Variants in SSRP1 observed in about 807,000 individuals in gnomAD.
The protein encoded by SSRP1 is structure specific recognition protein 1, also known as FACT complex subunit SSRP1.
In SSRP1, 21 loss-of-function variants were observed where a neutral mutation model predicts 84.4. The ratio of observed to expected loss-of-function variants is 0.25; its 90% CI spans 0.18 to 0.36. The LOEUF (loss-of-function observed/expected upper bound fraction) is 0.36, where lower values mean the gene tolerates loss of function less well. Ranked by LOEUF, SSRP1 falls within the 10% of genes least tolerant of loss-of-function variation. SSRP1 has a pLI of 1.00. For synonymous variants in SSRP1, 319 were observed against 318.3 expected (o/e 1.00, Z -0.02); for missense variants, 519 against 900.8 (o/e 0.58, Z 5.43).
At chr11:57,331,132 C>A (rs916596689) in intron 9 of SSRP1, among the ~76,000 whole-genome samples, 1 of 152,140 alleles carries the variant, frequency 6.6e-6, no homozygotes, top group African/African-American at 2.4e-5. Context: ...AACTGCATGG[C>A]TTTGAAGAAC....
rs746601438 is a variant in SSRP1, at chr11:57,332,965, A to G, written c.531T>C (p.Pro177=). 1.9e-5 allele frequency: 30 copies of G among 1,609,690 alleles called. No homozygotes were observed. The highest frequency in any genetic ancestry group is 2.5e-5 in the Non-Finnish European group (30 of 1,177,062). Residue 177 remains proline, a synonymous_variant, in exon 5 of 17, where the codon CCT becomes CCC. Transcript: ENST00000278412. This position sits in a 1 kb window ranked among gnomAD's most constrained non-coding sequence, Gnocchi z 5.5. ...VPPTQEDGVD[P]VEAFAQNVLS... ...CAACCAGGGGAAGCCTCACCTCAAC[A>G]GGGTCCACACCATCCTCCTGGGTGG...
intron 12 of SSRP1, 23 bp from the exon 13 acceptor site, chr11:57,328,449 T>TA (rs762176288): frequency 2.3e-5 from 37 of 1,613,538 alleles, no homozygotes; most frequent in Non-Finnish European, 3.0e-5. Flanking sequence ...AAGCCAGGCT[T>TA]AGACTTGAGG....
Position 57,326,389 on chromosome 11 carries a change from G to T in SSRP1, c.*18C>A, listed in dbSNP as rs1362877389. ...GGGGGTGTGAGAAGGCAAGCGCAAAGAGAACCTTCCTCCGTTTCTACTCAT... is the reference window on the plus strand; with the variant it reads ...GGGGGTGTGAGAAGGCAAGCGCAAATAGAACCTTCCTCCGTTTCTACTCAT... On this transcript the variant is annotated 3_prime_UTR_variant, in exon 17 of 17. Transcript: ENST00000278412. 1 of 1,613,910 alleles carries T rather than the reference G, an allele frequency of 6.2e-7. No homozygotes were observed. The highest frequency in any genetic ancestry group is 2.2e-5 in the East Asian group (1 of 44,886).
chr11:57,331,523 A>G (rs1856090775), intron 9 of SSRP1, 145 bp downstream of exon 9: 2 of 627,270 alleles, frequency 3.2e-6, no homozygotes, highest in African/African-American at 1.8e-5. Flanking sequence ...AAGTCTGAGC[A>G]CTCCAGGGAA....
In SSRP1 at chr11:57,332,540, G is replaced by A. The variant is rs570576440; in HGVS notation, c.769-54C>T. The A allele has an allele frequency of 1.3e-4, 206 of 1,606,418 alleles. 1 individual carries two copies. Among genetic ancestry groups the A allele is most frequent in the Non-Finnish European group, 1.7e-4 (196 of 1,173,650 alleles). On this transcript the variant is annotated intron_variant, in intron 6 of 16. Transcript: ENST00000278412. The surrounding 1 kb of genome is among the most constrained non-coding windows in gnomAD (Gnocchi z 5.5). Reference sequence around the variant, plus strand: ...CTACAACAACTTGCAATTAACCAACGTAGAATTCTGCACACCAGTGAGATC... The same window carrying A: ...CTACAACAACTTGCAATTAACCAACATAGAATTCTGCACACCAGTGAGATC...
chr11:57,327,295 G>T, intron 15 of SSRP1, 131 bp downstream of exon 15: 1 of 952,844 alleles, frequency 1.0e-6, no homozygotes. Flanking sequence ...ACCCAGGTTT[G>T]AGAAGCACTA....
At chr11:57,334,001 A>G (rs1214669840) in intron 3 of SSRP1, among the ~76,000 whole-genome samples, 2 of 152,168 alleles carry the variant, frequency 1.3e-5, no homozygotes, top group Non-Finnish European at 2.9e-5. Context: ...AAATTATTAA[A>G]AATCAGCTGG....
In SSRP1 at chr11:57,328,330, G is replaced by A; in HGVS notation, c.1578C>T (p.Ala526=). The change falls in exon 13 of 17, where the codon GCC becomes GCT. Residue 526 remains alanine, a synonymous_variant. Transcript: ENST00000278412. ...KRKQLKKAKM[A]KDRKSRKKPV... ...GCTTCTTGCGGCTCTTGCGGTCCTT[G>A]GCCATCTTGGCCTTTTTGAGCTGTT... 6.2e-7 allele frequency: 1 copy of A among 1,614,108 alleles called. No homozygotes were observed.
chr11:57,334,510 G>A lies in SSRP1; in HGVS notation c.193C>T (p.Leu65Phe). The A allele has an allele frequency of 2.5e-6, 4 of 1,614,242 alleles. 1 individual carries two copies. The South Asian group carries it at 4.4e-5, about 18-fold the overall frequency. ...RVALGHGLKL[L>F]TKNGHVYKYD... ...TTGTAGACATGGCCATTCTTTGTAA[G>A]CAGTTTAAGTCCATGGCCCAGAGCA... The change falls in exon 3 of 17, where the codon CTT becomes TTT. Residue 65 changes from leucine to phenylalanine, a missense_variant. Leu to Phe is a conservative substitution (Grantham distance 22). This residue lies in a region of SSRP1 where 88 missense variants were observed against 122.0 expected (regional missense o/e 0.72). Transcript: ENST00000278412.
chr11:57,332,978 T>C lies in SSRP1; in HGVS notation c.518A>G (p.Asp173Gly), dbSNP rs768388628. 42 of 1,612,806 alleles carry C rather than the reference T, an allele frequency of 2.6e-5. No homozygotes were observed. The highest frequency in any genetic ancestry group is 2.9e-5 in the Non-Finnish European group (34 of 1,179,304). Residue 173 changes from aspartate to glycine, a missense_variant, in exon 5 of 17, where the codon GAT becomes GGT. This residue lies in a region of SSRP1 where 159 missense variants were observed against 359.0 expected (regional missense o/e 0.44). Coordinates refer to ENST00000278412, the MANE Select transcript of SSRP1 (RefSeq NM_003146.3). The surrounding 1 kb of genome is among the most constrained non-coding windows in gnomAD (Gnocchi z 5.5). The stretch of plus-strand genomic sequence containing the variant: ...CCTCACCTCAACAGGGTCCACACCA[T>C]CCTCCTGGGTGGGTGGGACGTAGAA... ...VRFYVPPTQEDGVDPVEAFAQ... is the reference protein window; with the variant it reads ...VRFYVPPTQEGGVDPVEAFAQ...
In SSRP1 at chr11:57,332,910, A is replaced by G. The variant is rs777504858; in HGVS notation, c.537+49T>C. 9 of 1,597,146 alleles carry G rather than the reference A, an allele frequency of 5.6e-6. No individual in the cohort carries two copies. The highest frequency in any genetic ancestry group is 7.7e-6 in the Non-Finnish European group (9 of 1,169,340). On this transcript the variant is annotated intron_variant, in intron 5 of 16. Transcript: ENST00000278412. This position sits in a 1 kb window ranked among gnomAD's most constrained non-coding sequence, Gnocchi z 5.5. ...GCAGGCCCTGCTCCCAGGCCAGCCA[A>G]TGCCTGCTCAGCACCATCTGCTGCC...
chr11:57,328,064 A>T, intron 13 of SSRP1, 182 bp from the exon 14 acceptor site: 1 of 948,228 alleles, frequency 1.1e-6, no homozygotes, highest in East Asian at 2.6e-5. Context: ...TGCCTAGCTT[A>T]CCAGGACAGA....
Position 57,332,269 on chromosome 11 carries a change from T to A in SSRP1, c.884A>T (p.Glu295Val). The A allele has an allele frequency of 6.2e-7, 1 of 1,614,008 alleles. No individual in the cohort carries two copies. The highest frequency in any genetic ancestry group is 8.5e-7 in the Non-Finnish European group (1 of 1,180,018). The change falls in exon 8 of 17, where the codon GAG becomes GTG. Residue 295 changes from glutamate to valine, a missense_variant. By Grantham distance (121) the Glu-to-Val change is moderately radical (BLOSUM62 -2). Around this residue, in one of 7 missense-constraint regions of SSRP1, gnomAD observed 159 missense variants for 359.0 expected, o/e 0.44. Coordinates refer to ENST00000278412, the MANE Select transcript of SSRP1 (RefSeq NM_003146.3). The surrounding 1 kb of genome is among the most constrained non-coding windows in gnomAD (Gnocchi z 5.5). ...LTLNMNEEEV[E>V]KRFEGRLTKN... ...GGTGAGCCGACCCTCAAAGCGCTTC[T>A]CCACTTCTTCCCTACAAAGAAAGCA...
At chr11:57,327,921 GA>G (rs1277081272) in intron 13 of SSRP1, 39 bp from the exon 14 acceptor site, 1 of 1,597,116 alleles carries the variant, frequency 6.3e-7, no homozygotes. Flanking sequence ...ATTTCCCACA[GA>G]ACCCATACAT....
Position 57,327,895 on chromosome 11 carries a change from C to G in SSRP1, c.1612-13G>C. The G allele has an allele frequency of 6.2e-7, 1 of 1,610,216 alleles. No individual in the cohort carries two copies. ...TGCCCTTCTTCACCTACATAAGAAC[C>G]CAAATGCCTTCAGCTATTTCCCACA... On this transcript the variant is annotated splice_polypyrimidine_tract_variant and intron_variant, in intron 13 of 16. Transcript: ENST00000278412.
At chr11:57,329,942 C>G (rs1168068842) in intron 12 of SSRP1, 151 bp downstream of exon 12, 1 of 974,550 alleles carries the variant, frequency 1.0e-6, no homozygotes, top group Non-Finnish European at 1.6e-6. Flanking sequence ...TGACAATTTC[C>G]AAAACATTTT....
intron 4 of SSRP1, 89 bp from the exon 5 acceptor site, chr11:57,333,238 G>A (rs535881116): frequency 4.8e-5 from 69 of 1,423,804 alleles, no homozygotes; most frequent in Non-Finnish European, 6.3e-5. Context: ...CACAGAGACA[G>A]GATACTGCGG....
At chr11:57,327,022 C>G in intron 15 of SSRP1, 133 bp from the exon 16 acceptor site, 2 of 1,428,752 alleles carry the variant, frequency 1.4e-6, no homozygotes, top group Non-Finnish European at 1.8e-6. Context: ...TAAATAGCTG[C>G]GTCAGCCTGG....
chr11:57,333,193 G>A (rs1856130500), intron 4 of SSRP1, 44 bp from the exon 5 acceptor site: 1 of 1,564,302 alleles, frequency 6.4e-7, no homozygotes, highest in Non-Finnish European at 8.7e-7. Context: ...CTCCCCTTAA[G>A]TCTGCATAAG....
Sources: allele counts gnomAD v4.1 joint callset (sites outside exome capture counted in the v4.1 genomes callset), GRCh38; gene constraint gnomAD v4.1.1; regional missense constraint gnomAD v4.1.1; non-coding constraint Gnocchi (gnomAD v3.1); transcripts MANE v1.5; gene names NCBI Gene and HGNC (gene_info 2026-07-23, HGNC 2026-07-21).